GRID2: variants seen among roughly 807,000 people sequenced by gnomAD.
GRID2 encodes glutamate ionotropic receptor delta type subunit 2, also known as glutamate receptor ionotropic, delta-2.
A neutral mutation model predicts 114.8 loss-of-function variants in GRID2; 33 were observed. The observed-to-expected ratio is 0.29, with a 90% confidence interval of 0.22 to 0.38. GRID2 has a LOEUF of 0.38. Among genes scored for constraint, GRID2 ranks in the 10% least tolerant of loss-of-function variants. The pLI is 1.00. For synonymous variants in GRID2, 505 were observed against 449.9 expected (o/e 1.12, Z -1.55); for missense variants, 1,184 against 1,257.7 (o/e 0.94, Z 0.89).
intron 2 of GRID2, among the ~76,000 whole-genome samples, chr4:93,020,915 C>G (rs1209884044): frequency 1.3e-5 from 2 of 151,644 alleles, no homozygotes; most frequent in African/African-American, 2.4e-5. Flanking sequence ...ACCTGTAATC[C>G]CAGCTACTCC....
chr4:92,611,132 ATGTGTGTGTGTGCATGTGTGTG>A (rs1729724089), intron 2 of GRID2, among the ~76,000 whole-genome samples: 1 of 133,660 alleles, frequency 7.5e-6, no homozygotes, highest in Non-Finnish European at 1.6e-5. Context: ...GTGTGTGTGC[ATGTGTGTGTGTGCATGTGTGTG>A]TGTGTGTGTG....
At chr4:92,966,548 G>A (rs1277236242) in intron 2 of GRID2, among the ~76,000 whole-genome samples, 1 of 151,846 alleles carries the variant, frequency 6.6e-6, no homozygotes, top group African/African-American at 2.4e-5. Context: ...AGGGCCAGGT[G>A]GAAATAATTG....
intron 10 of GRID2, among the ~76,000 whole-genome samples, chr4:93,449,995 G>C (rs4693321): frequency 6.6e-6 from 1 of 151,884 alleles, no homozygotes; most frequent in Non-Finnish European, 1.5e-5. Flanking sequence ...GTTTGATAGT[G>C]TTTATTTTAA....
intron 2 of GRID2, among the ~76,000 whole-genome samples, chr4:92,712,456 C>T (rs989204392): frequency 1.3e-5 from 2 of 152,066 alleles, no homozygotes; most frequent in African/African-American, 4.8e-5. Context: ...GATGCCATAG[C>T]AACACTCCAA....
chr4:92,755,535 G>A (rs940203357), intron 2 of GRID2, among the ~76,000 whole-genome samples: 13 of 152,124 alleles, frequency 8.5e-5, no homozygotes, highest in African/African-American at 2.9e-4. Context: ...GGAACGCAAA[G>A]TGAGTTAAGC....
chr4:92,998,648 T>G (rs1312671452), intron 2 of GRID2, among the ~76,000 whole-genome samples: 2 of 151,848 alleles, frequency 1.3e-5, no homozygotes, highest in African/African-American at 4.8e-5. Context: ...TATATGTGTA[T>G]GTGTTTTCTG....
chr4:93,159,386 G>A (rs544463827), intron 4 of GRID2, among the ~76,000 whole-genome samples: 112 of 151,896 alleles, frequency 7.4e-4, no homozygotes, highest in Middle Eastern at 3.4e-3. Context: ...TTGTATTCAA[G>A]TTATTGAGTG....
At chr4:92,885,259 A>G (rs1746296977) in intron 2 of GRID2, among the ~76,000 whole-genome samples, 1 of 152,158 alleles carries the variant, frequency 6.6e-6, no homozygotes, top group Non-Finnish European at 1.5e-5. Flanking sequence ...TAATGTTTCT[A>G]CTGTCTTTGT....
intron 2 of GRID2, among the ~76,000 whole-genome samples, chr4:92,890,521 C>A (rs889841363): frequency 1.3e-5 from 2 of 152,108 alleles, no homozygotes; most frequent in Non-Finnish European, 2.9e-5. Flanking sequence ...AAAAGCTCAT[C>A]ATCATTGGTC....
chr4:93,540,698 G>A (rs981168148), intron 13 of GRID2, among the ~76,000 whole-genome samples: 1 of 152,186 alleles, frequency 6.6e-6, no homozygotes. Flanking sequence ...TCAGGGCAAA[G>A]GCCAAAGAGT....
chr4:92,770,082 T>C (rs1007844615), intron 2 of GRID2, among the ~76,000 whole-genome samples: 3 of 152,176 alleles, frequency 2.0e-5, no homozygotes, highest in African/African-American at 7.2e-5. Flanking sequence ...TTAACAGCAC[T>C]CAAGTCACCT....
intron 2 of GRID2, among the ~76,000 whole-genome samples, chr4:92,646,829 C>A (rs2149258112): frequency 1.3e-5 from 2 of 152,108 alleles, no homozygotes; most frequent in South Asian, 4.2e-4. Context: ...TATTATCACT[C>A]CTGAATTAGT....
chr4:92,736,620 G>C (rs1007178404), intron 2 of GRID2, among the ~76,000 whole-genome samples: 1 of 151,890 alleles, frequency 6.6e-6, no homozygotes, highest in African/African-American at 2.4e-5. Context: ...CAACAAACAC[G>C]TACTTAGGCT....
At chr4:93,655,266 C>A (rs1356626128) in intron 14 of GRID2, among the ~76,000 whole-genome samples, 1 of 152,106 alleles carries the variant, frequency 6.6e-6, no homozygotes, top group Admixed American at 6.6e-5. Context: ...ATACAAAAAT[C>A]TAAAACATTT....
intron 10 of GRID2, among the ~76,000 whole-genome samples, chr4:93,440,004 G>T (rs1580089757): frequency 6.6e-6 from 1 of 152,014 alleles, no homozygotes. Flanking sequence ...AGAGAAGGAG[G>T]AAGAGCTGGC....
chr4:93,810,149 T>C (rs1318866142), exon 2 of GRID2: 1 of 152,174 alleles, frequency 6.6e-6, no homozygotes, highest in Non-Finnish European at 1.5e-5. Flanking sequence ...GCCACACGTT[T>C]GTCGTACAGT....
intron 8 of GRID2, among the ~76,000 whole-genome samples, chr4:93,331,145 C>T (rs1758393261): frequency 7.4e-6 from 1 of 135,078 alleles, no homozygotes; most frequent in Non-Finnish European, 1.6e-5. Context: ...CCATTTCACT[C>T]ATTATCTCTC....
At chr4:92,960,717 T>C (rs1340206772) in intron 2 of GRID2, among the ~76,000 whole-genome samples, 1 of 152,000 alleles carries the variant, frequency 6.6e-6, no homozygotes, top group African/African-American at 2.4e-5. Flanking sequence ...GATATATTTA[T>C]ACCATGATGT....
chr4:92,907,563 C>T (rs1039002556), intron 2 of GRID2, among the ~76,000 whole-genome samples: 2 of 152,052 alleles, frequency 1.3e-5, no homozygotes, highest in South Asian at 2.1e-4. Flanking sequence ...AGGCATGTGC[C>T]ACCACACCTG....
Sources: gnomAD v4.1 joint callset for allele counts (sites outside exome capture counted in the v4.1 genomes callset) on GRCh38, gnomAD v4.1.1 for gene constraint, MANE v1.5 for transcripts, NCBI Gene and HGNC (gene_info 2026-07-23, HGNC 2026-07-21) for gene names.